The following TREML1 variants were observed in gnomAD, a reference collection of about 807,000 sequenced individuals.
The protein encoded by TREML1 is triggering receptor expressed on myeloid cells like 1.
In TREML1, 27 loss-of-function variants were observed where a neutral mutation model predicts 22.8. That is an observed-to-expected ratio of 1.19 (90% CI 0.87 to 1.64). TREML1 has a LOEUF of 1.64. Ranked by LOEUF, TREML1 falls within the 40% of genes most tolerant of loss-of-function variation. The probability of loss-of-function intolerance (pLI) is 0.00; values close to 1 mark genes in which losing one functional copy is unlikely to be tolerated. For missense variants in TREML1, 356 were observed against 382.0 expected, an observed-to-expected ratio of 0.93 and a Z score of 0.57; for synonymous variants, 153 against 161.9, an observed-to-expected ratio of 0.94 and a Z score of 0.42.
chr6:41,150,456 C>T (rs1765216133), intron 4 of TREML1, 143 bp from the exon 5 acceptor site: 4 of 747,236 alleles, frequency 5.4e-6, no homozygotes, highest in South Asian at 1.8e-5. Flanking sequence ...ACCTTTACCC[C>T]TTCCATCTCC....
At chr6:41,153,645 T>C (rs1369750031) in intron 2 of TREML1, 113 bp downstream of exon 2, 1 of 1,041,570 alleles carries the variant, frequency 9.6e-7, no homozygotes, top group Non-Finnish European at 1.4e-6. Flanking sequence ...GATATCTCCT[T>C]GGAATGCCTC....
At position 41,149,416 on chromosome 6, in the gene TREML1, G is replaced by A. The variant is rs982084109; in HGVS notation, c.*188C>T. On this transcript the variant is annotated 3_prime_UTR_variant, in exon 6 of 6. Coordinates refer to ENST00000426005, the MANE Select transcript of TREML1 (RefSeq NM_178174.4). ...GAACCAGTGGGGGAGTTGGGTGCAG[G>A]GAGGTCTTCCCCAAGACATCTCAGT... is the stretch of plus-strand genomic sequence containing the variant. 3 of 608,730 alleles carry A rather than the reference G, an allele frequency of 4.9e-6. No individual in the cohort carries two copies. In the Admixed American group the frequency reaches 9.3e-5, roughly 19 times the overall value. 37.7% of individuals were successfully genotyped at this position (608,730 alleles called of 1,614,324 possible). A position where few individuals can be genotyped will look rare whatever the true frequency, so the allele number is the denominator to read the frequency against.
chr6:41,150,145 T>G, intron 5 of TREML1, 116 bp downstream of exon 5: 3 of 1,214,714 alleles, frequency 2.5e-6, no homozygotes, highest in Non-Finnish European at 3.5e-6. Context: ...GGAAGAGGGT[T>G]TGGACCCCAA....
rs1765240617 is a variant in TREML1, at chr6:41,151,330, T to C, written c.431A>G (p.Asp144Gly). ...IGSLAENAFS[D>G]PAGSANPLEP... Reference sequence around the variant, plus strand: ...CAAAGGGTTGGCACTGCCTGCAGGGTCTGAGAATGCGTTCTCAGCCAGACT... The same window carrying C: ...CAAAGGGTTGGCACTGCCTGCAGGGCCTGAGAATGCGTTCTCAGCCAGACT... Residue 144 changes from aspartate (D) to glycine (G), a missense_variant, in exon 3 of 6, where the codon GAC becomes GGC. Transcript: ENST00000426005. 6.2e-7 allele frequency: 1 copy of C among 1,614,206 alleles called. No individual in the cohort carries two copies. The highest frequency in any genetic ancestry group is 8.5e-7 in the Non-Finnish European group (1 of 1,180,026).
upstream of TREML1, among the ~76,000 whole-genome samples, chr6:41,155,117 G>A (rs942890899): frequency 3.3e-5 from 5 of 151,890 alleles, no homozygotes; most frequent in African/African-American, 1.2e-4. Flanking sequence ...TACAAGACAA[G>A]ATATTCCTTA....
upstream of TREML1, chr6:41,154,431 G>A (rs1306382652): frequency 3.8e-5 from 26 of 688,878 alleles, no homozygotes; most frequent in Middle Eastern, 2.4e-4. Flanking sequence ...GGGAAAGGGA[G>A]TTCTTCCAAG....
Position 41,154,000 on chromosome 6 carries a change from A to T in TREML1, c.134T>A (p.Val45Asp), listed in dbSNP as rs754014829. 3.7e-6 allele frequency: 6 copies of T among 1,614,116 alleles called. No individual in the cohort carries two copies. In the Admixed American group the frequency reaches 6.7e-5, roughly 18 times the overall value. Reference protein sequence around the residue: ...LVQCHYRLQDVKAQKVWCRFL... With the variant: ...LVQCHYRLQDDKAQKVWCRFL... ...CCGGCACCACACCTTCTGAGCTTTG[A>T]CATCCTGGAGCCTGTAGTGGCACTG... Residue 45 changes from valine (V) to aspartate (D), a missense_variant, in exon 2 of 6, where the codon GTC (valine) becomes GAC (aspartate). Val to Asp is a radical substitution (Grantham distance 152). Transcript: ENST00000426005.
Position 41,149,529 on chromosome 6 carries a change from A to G in TREML1, c.*75T>C. ...GTTGCTCAGATATCCTAAGGATCCT[A>G]GGGCATGAGCTGGCTGGATGGATGC... On this transcript the variant is annotated 3_prime_UTR_variant, in exon 6 of 6. Coordinates refer to ENST00000426005, the MANE Select transcript of TREML1 (RefSeq NM_178174.4). 1 of 1,479,068 alleles carries G rather than the reference A, an allele frequency of 6.8e-7. No individual in the cohort carries two copies. The highest frequency in any genetic ancestry group is 9.2e-7 in the Non-Finnish European group (1 of 1,089,754). 91.6% of individuals were successfully genotyped at this position (1,479,068 alleles called of 1,614,324 possible). A position where few individuals can be genotyped will look rare whatever the true frequency, so the allele number is the denominator to read the frequency against.
chr6:41,150,514 C>G (rs1055601540), intron 4 of TREML1, among the ~76,000 whole-genome samples: 5 of 152,128 alleles, frequency 3.3e-5, no homozygotes, highest in Admixed American at 2.6e-4. Context: ...CCAGAGCTCC[C>G]TTCAACCCAC....
At chr6:41,154,432 T>G, upstream of TREML1, 1 of 688,336 alleles carries the variant, frequency 1.5e-6, no homozygotes, top group Non-Finnish European at 2.5e-6. Flanking sequence ...GGAAAGGGAG[T>G]TCTTCCAAGC....
chr6:41,153,886 C>T lies in TREML1; in HGVS notation c.248G>A (p.Gly83Asp), dbSNP rs747924713. The T allele has an allele frequency of 3.7e-6, 6 of 1,614,104 alleles. No individual in the cohort carries two copies. In the South Asian group the frequency reaches 4.4e-5, roughly 12 times the overall value. ...AGRRTFLTDLGGGLLQVEMVT... is the reference protein window; with the variant it reads ...AGRRTFLTDLDGGLLQVEMVT... The stretch of plus-strand genomic sequence containing the variant: ...CATTTCCACCTGCAGCAGGCCCCCA[C>T]CCAGGTCTGTGAGAAACGTACGCCT... Residue 83 changes from glycine to aspartate, a missense_variant, in exon 2 of 6, where the codon GGT becomes GAT. Physicochemically the swap from Gly to Asp is moderately conservative, Grantham distance 94. Transcript: ENST00000426005.
Position 41,149,641 on chromosome 6 carries a change from G to T in TREML1, c.899C>A (p.Ala300Asp), listed in dbSNP as rs576170329. The change falls in exon 6 of 6, where the codon GCC becomes GAC. Residue 300 changes from alanine to aspartate, a missense_variant. Coordinates refer to ENST00000426005, the MANE Select transcript of TREML1 (RefSeq NM_178174.4). ...AGTCTGATTGTTAGGTGGATTCTGG[G>T]CTGGCCCACACGAGGTCCCTCCACC... Reference protein sequence around the residue: ...NKGGGTSCGPAQNPPNNQTPS... With the variant: ...NKGGGTSCGPDQNPPNNQTPS... The T allele has an allele frequency of 1.9e-6, 3 of 1,613,964 alleles. No homozygotes were observed. Among genetic ancestry groups the T allele is most frequent in the Admixed American group, 1.7e-5 (1 of 60,016 alleles).
Position 41,151,366 on chromosome 6 carries a change from T to C in TREML1, c.395A>G (p.His132Arg), listed in dbSNP as rs774325278. ...ILPPEEEEET[H>R]KIGSLAENAF... Reference sequence around the variant, plus strand: ...GTTCTCAGCCAGACTGCCAATCTTATGGGTCTCTTCTTCTTCCTCTGTCAG... The same window carrying C: ...GTTCTCAGCCAGACTGCCAATCTTACGGGTCTCTTCTTCTTCCTCTGTCAG... The change falls in exon 3 of 6, where the codon CAT (histidine) becomes CGT (arginine). Residue 132 changes from histidine (H) to arginine (R), a missense_variant. Coordinates refer to ENST00000426005, the MANE Select transcript of TREML1 (RefSeq NM_178174.4). 1.9e-6 allele frequency: 3 copies of C among 1,614,176 alleles called. No homozygotes were observed. Among genetic ancestry groups the C allele is most frequent in the Admixed American group, 1.7e-5 (1 of 60,026 alleles).
rs1296075085 is a variant in TREML1, at chr6:41,149,890, C to T, written c.650G>A (p.Ser217Asn). 3.7e-6 allele frequency: 6 copies of T among 1,613,792 alleles called. No homozygotes were observed. The highest frequency in any genetic ancestry group is 5.1e-6 in the Non-Finnish European group (6 of 1,179,930). ...CAATTCAGCAGCCGGTCCAGAGTCACTGACGTGGTGGACCACTGAGGAGGG... is the reference window on the plus strand; with the variant it reads ...CAATTCAGCAGCCGGTCCAGAGTCATTGACGTGGTGGACCACTGAGGAGGG... ...MNPSSVVHHV[S>N]DSGPAAELPL... The change falls in exon 6 of 6, where the codon AGT becomes AAT. Residue 217 changes from serine (S) to asparagine (N), a missense_variant. Physicochemically the swap from Ser to Asn is conservative, Grantham distance 46. Transcript: ENST00000426005.
In TREML1 at chr6:41,150,849, G is replaced by A; in HGVS notation, c.538C>T (p.Leu180=). Residue 180 remains leucine, a synonymous_variant, in exon 4 of 6, where the codon CTG becomes TTG. Transcript: ENST00000426005. The part of the protein sequence containing the change: ...LVGLLVAAVV[L]FAVMAKRKQG... ...TTCCTCTTGGCCATCACAGCAAACA[G>A]CACCACCGCTGCCACCAGCAGACCT... 1 of 1,614,082 alleles carries A rather than the reference G, an allele frequency of 6.2e-7. No individual in the cohort carries two copies. The highest frequency in any genetic ancestry group is 8.5e-7 in the Non-Finnish European group (1 of 1,179,984).
At chr6:41,154,525 C>G (rs1039904146), upstream of TREML1, among the ~76,000 whole-genome samples, 26 of 152,062 alleles carry the variant, frequency 1.7e-4, no homozygotes, top group African/African-American at 6.3e-4. Context: ...AAGCTAGAAG[C>G]CTGCAGGGGC....
Position 41,153,907 on chromosome 6 carries a change from C to T in TREML1, c.227G>A (p.Arg76His), listed in dbSNP as rs372842295. The change falls in exon 2 of 6, where the codon CGT becomes CAT. Residue 76 changes from arginine to histidine, a missense_variant. Transcript: ENST00000426005. ...CCCACCCAGGTCTGTGAGAAACGTA[C>T]GCCTGCCCGCTGGAGCTCTGCGATC... The part of the protein sequence containing the change: ...AVDRRAPAGR[R>H]TFLTDLGGGL... 1.3e-4 allele frequency: 215 copies of T among 1,614,096 alleles called. No homozygotes were observed. The highest frequency in any genetic ancestry group is 2.5e-4 in the Admixed American group (15 of 60,008).
Position 41,149,642 on chromosome 6 carries a change from C to T in TREML1, c.898G>A (p.Ala300Thr), listed in dbSNP as rs776056225. ...NKGGGTSCGP[A>T]QNPPNNQTPS... ...GTCTGATTGTTAGGTGGATTCTGGG[C>T]TGGCCCACACGAGGTCCCTCCACCC... The change falls in exon 6 of 6, where the codon GCC (alanine) becomes ACC (threonine). Residue 300 changes from alanine (A) to threonine (T), a missense_variant. Physicochemically the swap from Ala to Thr is moderately conservative, Grantham distance 58. Coordinates refer to ENST00000426005, the MANE Select transcript of TREML1 (RefSeq NM_178174.4). The T allele has an allele frequency of 6.2e-7, 1 of 1,613,878 alleles. No homozygotes were observed. Among genetic ancestry groups the T allele is most frequent in the South Asian group, 1.1e-5 (1 of 91,046 alleles).
chr6:41,154,600 A>C (rs1031958208), upstream of TREML1, among the ~76,000 whole-genome samples: 4 of 152,166 alleles, frequency 2.6e-5, no homozygotes, highest in Non-Finnish European at 5.9e-5. Flanking sequence ...AGGAAGAGGA[A>C]AGATGATCTT....
Sources: allele counts gnomAD v4.1 joint callset (sites outside exome capture counted in the v4.1 genomes callset), GRCh38; gene constraint gnomAD v4.1.1; transcripts MANE v1.5; gene names NCBI Gene and HGNC (gene_info 2026-07-23, HGNC 2026-07-21).